FAM135B: variants seen among roughly 807,000 people sequenced by gnomAD.
FAM135B encodes the protein protein FAM135B.
A neutral mutation model predicts 127.7 loss-of-function variants in FAM135B; 43 were observed. The ratio of observed to expected loss-of-function variants is 0.34; its 90% CI spans 0.26 to 0.43. The LOEUF is 0.43. FAM135B is among the 20% of genes least tolerant of loss of function. The pLI, the probability that FAM135B is intolerant of heterozygous loss-of-function variation, is 1.00. For missense variants in FAM135B, 1,558 were observed against 1,725.6 expected, an observed-to-expected ratio of 0.90 and a Z score of 1.72; for synonymous variants, 670 against 665.1, an observed-to-expected ratio of 1.01 and a Z score of -0.11.
In FAM135B at chr8:138,141,541, G is replaced by A. The variant is rs1197484616; in HGVS notation, c.3639-192C>T. 3.9e-5 allele frequency among the ~76,000 whole-genome samples: 6 copies of A among 152,172 alleles called. No homozygotes were observed. The stretch of plus-strand genomic sequence containing the variant: ...ACTGGCCATGAGAAGCCTGAGATGG[G>A]GTCTTTGTGAATGGGAGCTTTGTGC... On this transcript the variant is annotated intron_variant, in intron 16 of 19. Coordinates refer to ENST00000395297, the MANE Select transcript of FAM135B (RefSeq NM_015912.4). The surrounding 1 kb of genome is among the most constrained non-coding windows in gnomAD (Gnocchi z 4.7).
At chr8:138,284,091 C>A (rs1385838332) in intron 3 of FAM135B, among the ~76,000 whole-genome samples, 1 of 152,086 alleles carries the variant, frequency 6.6e-6, no homozygotes, top group African/African-American at 2.4e-5. Flanking sequence ...AAAATAAAAT[C>A]TGTTAAAAAA....
chr8:138,194,757 G>T (rs1816473134), intron 9 of FAM135B, among the ~76,000 whole-genome samples: 1 of 152,198 alleles, frequency 6.6e-6, no homozygotes, highest in African/African-American at 2.4e-5. Context: ...GTGTTCCAGA[G>T]ATTGTAAATA....
rs1353582239 is a variant in FAM135B at position 138,250,900 on chromosome 8, C to T, written c.483G>A (p.Leu161=). 1 of 1,613,990 alleles carries T rather than the reference C, an allele frequency of 6.2e-7. No individual in the cohort carries two copies. The highest frequency in any genetic ancestry group is 1.7e-5 in the Admixed American group (1 of 60,010). Residue 161 remains leucine, a synonymous_variant, in exon 6 of 20, where the codon CTG becomes CTA. Transcript: ENST00000395297. The part of the protein sequence containing the change: ...QVPVMFDYFH[L]SVISVTVHAA... ...CATGGACGGTCACCGAGATCACAGA[C>T]AGGTGGAAATAGTCGAACATGACCG... is the stretch of plus-strand genomic sequence containing the variant.
chr8:138,349,120 C>A (rs1039605523), intron 2 of FAM135B, among the ~76,000 whole-genome samples: 42 of 152,342 alleles, frequency 2.8e-4, no homozygotes, highest in African/African-American at 8.4e-4. Flanking sequence ...GAAAGTCTTA[C>A]ATTCCAGGAA....
At chr8:138,219,254 T>C (rs1818832385) in intron 7 of FAM135B, among the ~76,000 whole-genome samples, 1 of 152,208 alleles carries the variant, frequency 6.6e-6, no homozygotes, top group African/African-American at 2.4e-5. Context: ...GAGTTTCAAA[T>C]ACGCCTTTGG....
chr8:138,450,326 T>C (rs1299707065), intron 1 of FAM135B, among the ~76,000 whole-genome samples: 2 of 152,240 alleles, frequency 1.3e-5, no homozygotes, highest in African/African-American at 2.4e-5. Context: ...CAGGTTTTCA[T>C]GTGGATATAT....
chr8:138,408,126 C>A (rs2131392242), intron 1 of FAM135B, among the ~76,000 whole-genome samples: 1 of 152,286 alleles, frequency 6.6e-6, no homozygotes, highest in South Asian at 2.1e-4. Flanking sequence ...AACTTAAAGT[C>A]ATCAGCTGCA....
intron 1 of FAM135B, among the ~76,000 whole-genome samples, chr8:138,448,684 T>C (rs547962296): frequency 6.6e-6 from 1 of 151,870 alleles, no homozygotes; most frequent in Non-Finnish European, 1.5e-5. Flanking sequence ...CAATCCCTGA[T>C]CTCATATAAT....
At chr8:138,382,116 G>A (rs774199509) in intron 1 of FAM135B, among the ~76,000 whole-genome samples, 12 of 152,090 alleles carry the variant, frequency 7.9e-5, no homozygotes, top group Admixed American at 2.6e-4. Flanking sequence ...CCACGTCACC[G>A]TGTTCCCACA....
intron 3 of FAM135B, among the ~76,000 whole-genome samples, chr8:138,273,258 T>C (rs11775344): frequency 0.32 from 48,722 of 152,154 alleles, 8,890 homozygotes; most frequent in Admixed American, 0.41. Context: ...CAGGCTGGAG[T>C]GCAGTGGCGT....
chr8:138,295,168 G>C (rs958412993), intron 3 of FAM135B, among the ~76,000 whole-genome samples: 1 of 126,408 alleles, frequency 7.9e-6, no homozygotes, highest in Non-Finnish European at 1.6e-5. Flanking sequence ...CAATGCACAA[G>C]CACAGGAAGG....
At chr8:138,261,269 G>A (rs1169960372) in intron 4 of FAM135B, among the ~76,000 whole-genome samples, 1 of 152,154 alleles carries the variant, frequency 6.6e-6, no homozygotes, top group African/African-American at 2.4e-5. Context: ...GTGCACCAAG[G>A]AATCACACTT....
intron 1 of FAM135B, among the ~76,000 whole-genome samples, chr8:138,383,266 A>G (rs1831976115): frequency 6.6e-6 from 1 of 152,200 alleles, no homozygotes; most frequent in Admixed American, 6.5e-5. Context: ...AAAGCCAGAC[A>G]TGCTTTGGTT....
At chr8:138,475,294 C>T (rs533742912) in intron 1 of FAM135B, among the ~76,000 whole-genome samples, 1 of 152,212 alleles carries the variant, frequency 6.6e-6, no homozygotes, top group African/African-American at 2.4e-5. Context: ...TTTCTTTTAT[C>T]TTTCTACAGG....
chr8:138,226,597 G>A (rs1461166144), intron 7 of FAM135B, among the ~76,000 whole-genome samples: 1 of 152,020 alleles, frequency 6.6e-6, no homozygotes, highest in East Asian at 1.9e-4. Context: ...TCACTCTGTC[G>A]GTAGTGGAGG....
chr8:138,177,789 T>C (rs1407452585), intron 10 of FAM135B, among the ~76,000 whole-genome samples: 8 of 152,238 alleles, frequency 5.3e-5, no homozygotes, highest in Admixed American at 4.6e-4. Flanking sequence ...GTCATGTATG[T>C]TCTCTGAACA....
chr8:138,391,320 C>T (rs1393335454), intron 1 of FAM135B, among the ~76,000 whole-genome samples: 1 of 152,012 alleles, frequency 6.6e-6, no homozygotes, highest in Non-Finnish European at 1.5e-5. Flanking sequence ...GCTACAGAGC[C>T]CCCAGGACTG....
At chr8:138,378,734 C>CT (rs113152854) in intron 1 of FAM135B, among the ~76,000 whole-genome samples, 57 of 146,696 alleles carry the variant, frequency 3.9e-4, no homozygotes, top group African/African-American at 9.2e-4. Context: ...TGTATGTTTG[C>CT]TTTTTTTTTT....
chr8:138,154,486 A>G (rs1442052683), intron 12 of FAM135B, among the ~76,000 whole-genome samples: 1 of 152,182 alleles, frequency 6.6e-6, no homozygotes, highest in East Asian at 1.9e-4. Context: ...CGGTAATAAC[A>G]AACTTCTCCA....
Sources: gnomAD v4.1 joint callset for allele counts (sites outside exome capture counted in the v4.1 genomes callset) on GRCh38, gnomAD v4.1.1 for gene constraint, Gnocchi (gnomAD v3.1) non-coding constraint, MANE v1.5 for transcripts, NCBI Gene and HGNC (gene_info 2026-07-23, HGNC 2026-07-21) for gene names.